The following FBXL13 variants were observed in gnomAD, a reference collection of about 807,000 sequenced individuals.
FBXL13 encodes F-box and leucine rich repeat protein 13, also known as F-box and leucine-rich repeat protein 13.
FBXL13 carries 67 observed loss-of-function variants against 83.6 expected under a neutral mutation model. The observed-to-expected ratio is 0.80, with a 90% CI of 0.66 to 0.98. The LOEUF (loss-of-function observed/expected upper bound fraction) is 0.98, where lower values mean the gene tolerates loss of function less well. Ranked by LOEUF, FBXL13 falls within the 50% of genes least tolerant of loss-of-function variation. FBXL13 has a pLI of 0.00. For missense variants in FBXL13, 822 were observed against 866.5 expected (o/e 0.95, Z 0.64); for synonymous variants, 272 against 299.5 (o/e 0.91, Z 0.95).
intron 15 of FBXL13, among the ~76,000 whole-genome samples, chr7:102,877,899 CAAGTT>C (rs1167207867): frequency 2.6e-5 from 4 of 152,036 alleles, no homozygotes; most frequent in African/African-American, 4.8e-5. Flanking sequence ...ACTAAAAGTG[CAAGTT>C]AAGAACCCTA....
At chr7:102,967,447 A>T (rs1044642255) in intron 7 of FBXL13, among the ~76,000 whole-genome samples, 1 of 152,028 alleles carries the variant, frequency 6.6e-6, no homozygotes, top group African/African-American at 2.4e-5. Context: ...TAATTTTTGT[A>T]TTTTTAGTAG....
At chr7:103,073,500 A>G (rs73192046) in intron 1 of FBXL13, among the ~76,000 whole-genome samples, 3 of 29,670 alleles carry the variant, frequency 1.0e-4, no homozygotes, top group South Asian at 1.0e-3. Flanking sequence ...TAATGATGAT[A>G]ATAATAATAT....
chr7:102,815,642 A>G (rs1358271137), intron 19 of FBXL13, among the ~76,000 whole-genome samples: 1 of 152,180 alleles, frequency 6.6e-6, no homozygotes, highest in Non-Finnish European at 1.5e-5. Flanking sequence ...ATCTTGACCT[A>G]TAGGAAAAGG....
intron 10 of FBXL13, among the ~76,000 whole-genome samples, chr7:102,917,442 A>T (rs1458774469): frequency 6.6e-6 from 1 of 152,238 alleles, no homozygotes; most frequent in Non-Finnish European, 1.5e-5. Flanking sequence ...TGATCAATAC[A>T]TGGTGAACAA....
At chr7:102,963,631 T>C in exon 8 of FBXL13, 1 of 1,605,726 alleles carries the variant, frequency 6.2e-7, no homozygotes, top group Admixed American at 1.7e-5. Context: ...TATATATTTA[T>C]CTGGAATCAC....
intron 8 of FBXL13, chr7:102,934,212 T>A: frequency 6.2e-7 from 1 of 1,614,250 alleles, no homozygotes; most frequent in Non-Finnish European, 8.5e-7. Flanking sequence ...AAGAACAACA[T>A]GTTTTCCAAG....
At chr7:102,927,199 C>T (rs1364580747) in intron 9 of FBXL13, among the ~76,000 whole-genome samples, 1 of 152,204 alleles carries the variant, frequency 6.6e-6, no homozygotes, top group Non-Finnish European at 1.5e-5. Flanking sequence ...ATATAAAATA[C>T]AACGAGTAGC....
chr7:103,074,506 T>A (rs1476472644), exon 1 of FBXL13: 1 of 1,175,346 alleles, frequency 8.5e-7, no homozygotes, highest in Non-Finnish European at 1.1e-6. Flanking sequence ...GTTTTCTCTC[T>A]AATCAGCGTC....
At chr7:102,814,619 T>C (rs1275693830) in intron 19 of FBXL13, among the ~76,000 whole-genome samples, 3 of 152,242 alleles carry the variant, frequency 2.0e-5, no homozygotes. Flanking sequence ...TATTATTGGC[T>C]CTCACACAAA....
At chr7:103,035,555 ATTAATTT>A (rs1794985930) in intron 2 of FBXL13, among the ~76,000 whole-genome samples, 1 of 152,196 alleles carries the variant, frequency 6.6e-6, no homozygotes, top group Non-Finnish European at 1.5e-5. Context: ...AATTGATCCC[ATTAATTT>A]TTAATTTTGT....
At chr7:102,852,482 T>G (rs1281000545) in intron 17 of FBXL13, among the ~76,000 whole-genome samples, 1 of 151,736 alleles carries the variant, frequency 6.6e-6, no homozygotes, top group Admixed American at 6.6e-5. Flanking sequence ...CTCAAACAAA[T>G]TAGCAAGAAA....
chr7:102,892,789 A>G (rs1421492784), intron 11 of FBXL13, among the ~76,000 whole-genome samples: 1 of 152,188 alleles, frequency 6.6e-6, no homozygotes, highest in Non-Finnish European at 1.5e-5. Flanking sequence ...CCACATTAGC[A>G]TTATCTATGT....
Position 102,919,233 on chromosome 7 carries a change from G to T in FBXL13, c.879-6018C>A, listed in dbSNP as rs528485254. On this transcript the variant is annotated intron_variant, in intron 10 of 19. Transcript: ENST00000313221. ...ACCCTTGCCACCAGCCAGTTGTTAA[G>T]CATTTACCAGAACACTGCTGTTCCT... Among the ~76,000 whole-genome samples the T allele has an allele frequency of 3.9e-5, 6 of 152,294 alleles. No homozygotes were observed. The East Asian group carries it at 1.2e-3, about 29-fold the overall frequency.
chr7:102,826,726 T>TAC (rs1799703167), intron 18 of FBXL13, among the ~76,000 whole-genome samples: 1 of 16,100 alleles, frequency 6.2e-5, no homozygotes, highest in South Asian at 3.2e-3. Context: ...CCCTGTCTCA[T>TAC]ATATATATAT....
Position 102,836,791 on chromosome 7 carries a change from GACTGTCACAATAATGTGCT to G in FBXL13, c.1720-3836_1720-3818del, listed in dbSNP as rs758472578. Among the ~76,000 whole-genome samples, 2,130 of 152,268 alleles carry G rather than the reference GACTGTCACAATAATGTGCT, an allele frequency of 0.014. 115 individuals are homozygous for G. In the East Asian group the frequency reaches 0.16, roughly 11 times the overall value. On this transcript the variant is annotated intron_variant, in intron 17 of 19. Transcript: ENST00000313221. ...AGACTGAATTTCACTCACATTTATT[GACTGTCACAATAATGTGCT>G]TCTGCCAAAATCCTGAATTAAACCA... is the stretch of plus-strand genomic sequence containing the variant.
At chr7:102,837,431 A>C (rs1440414075) in intron 17 of FBXL13, among the ~76,000 whole-genome samples, 1 of 152,260 alleles carries the variant, frequency 6.6e-6, no homozygotes, top group Non-Finnish European at 1.5e-5. Context: ...TTTCATGATG[A>C]AATTTGTTAT....
At chr7:102,837,952 C>T (rs1387411323) in intron 17 of FBXL13, among the ~76,000 whole-genome samples, 1 of 152,246 alleles carries the variant, frequency 6.6e-6, no homozygotes, top group Non-Finnish European at 1.5e-5. Context: ...TCTTTGCCAA[C>T]ATCTGGCATA....
chr7:102,915,295 A>G (rs1031761406), intron 10 of FBXL13, among the ~76,000 whole-genome samples: 21 of 152,036 alleles, frequency 1.4e-4, no homozygotes, highest in Non-Finnish European at 2.9e-5. Context: ...GATTTTAACA[A>G]TCAAAATCGG....
chr7:102,971,286 C>T (rs1042797507), intron 6 of FBXL13, among the ~76,000 whole-genome samples: 6 of 152,138 alleles, frequency 3.9e-5, no homozygotes, highest in African/African-American at 1.4e-4. Context: ...AAGTAAATTA[C>T]AACTCAAAAA....
Sources: allele counts gnomAD v4.1 joint callset (sites outside exome capture counted in the v4.1 genomes callset), GRCh38; gene constraint gnomAD v4.1.1; transcripts MANE v1.5; gene names NCBI Gene and HGNC (gene_info 2026-07-23, HGNC 2026-07-21).